The following TBC1D1 variants were observed in gnomAD, a reference collection of about 807,000 sequenced individuals.
The protein encoded by TBC1D1 is TBC1 (tre-2/USP6, BUB2, cdc16) domain family, member 1.
TBC1D1 carries 89 observed loss-of-function variants against 125.6 expected under a neutral mutation model. That is an observed-to-expected ratio of 0.71 (90% CI 0.60 to 0.85). The LOEUF (loss-of-function observed/expected upper bound fraction) is 0.85, where lower values mean the gene tolerates loss of function less well. Among genes scored for constraint, TBC1D1 ranks in the 40% least tolerant of loss-of-function variants. TBC1D1 has a pLI of 0.00. For synonymous variants in TBC1D1, 565 were observed against 564.1 expected, an observed-to-expected ratio of 1.00 and a Z score of -0.02; for missense variants, 1,377 against 1,469.2, an observed-to-expected ratio of 0.94 and a Z score of 1.03.
intron 2 of TBC1D1, among the ~76,000 whole-genome samples, chr4:37,994,606 C>T (rs770500897): frequency 1.3e-3 from 197 of 150,970 alleles, no homozygotes; most frequent in Non-Finnish European, 2.3e-3. Context: ...AGATTTCTAC[C>T]CAAGCCAAAG....
chr4:37,906,262 C>T (rs1014139497), intron 2 of TBC1D1, among the ~76,000 whole-genome samples: 8 of 152,182 alleles, frequency 5.3e-5, no homozygotes, highest in African/African-American at 1.2e-4. Flanking sequence ...ATTCTCCTGC[C>T]TCAGCCCACC....
At chr4:37,983,801 A>G (rs1734881536) in intron 2 of TBC1D1, among the ~76,000 whole-genome samples, 1 of 152,198 alleles carries the variant, frequency 6.6e-6, no homozygotes, top group Admixed American at 6.5e-5. Flanking sequence ...ACTGTTGGTG[A>G]TATACATTCT....
intron 14 of TBC1D1, among the ~76,000 whole-genome samples, chr4:38,102,523 G>A (rs1289316437): frequency 6.6e-6 from 1 of 152,038 alleles, no homozygotes; most frequent in African/African-American, 2.4e-5. Context: ...GTGGAAGTAG[G>A]GGAAGAAGCA....
intron 2 of TBC1D1, among the ~76,000 whole-genome samples, chr4:38,003,894 C>T (rs1196352076): frequency 1.3e-5 from 2 of 151,274 alleles, no homozygotes; most frequent in East Asian, 1.9e-4. Context: ...AAGAGTTGGC[C>T]TTTTCTTACC....
chr4:38,135,845 T>A (rs1401767464), intron 19 of TBC1D1, among the ~76,000 whole-genome samples: 1 of 112,114 alleles, frequency 8.9e-6, no homozygotes, highest in South Asian at 3.0e-4. Flanking sequence ...AAATGAAAAA[T>A]ATATATATAT....
Position 37,999,989 on chromosome 4 carries a change from CTG to C in TBC1D1, c.418-14516_418-14515del, listed in dbSNP as rs1321715866. 2.6e-5 allele frequency among the ~76,000 whole-genome samples: 4 copies of C among 152,150 alleles called. No homozygotes were observed. In the South Asian group the frequency reaches 6.2e-4, roughly 24 times the overall value. On this transcript the variant is annotated intron_variant, in intron 2 of 19. Transcript: ENST00000261439. ...TGCTGGTATTGATGAAGAATTTATA[CTG>C]TGTAGAAATTAATTCCATTATTCTA... is the stretch of plus-strand genomic sequence containing the variant.
chr4:37,990,476 G>A (rs766818664), intron 2 of TBC1D1, among the ~76,000 whole-genome samples: 3 of 152,096 alleles, frequency 2.0e-5, no homozygotes, highest in South Asian at 4.2e-4. Flanking sequence ...CCAAAAGCCC[G>A]CTTATGAGTA....
At chr4:38,100,510 C>T (rs919790964) in intron 14 of TBC1D1, among the ~76,000 whole-genome samples, 1 of 152,224 alleles carries the variant, frequency 6.6e-6, no homozygotes, top group African/African-American at 2.4e-5. Context: ...CTCTCCTCCT[C>T]CCAAAGTCCT....
At chr4:38,072,970 T>C (rs941599333) in intron 12 of TBC1D1, among the ~76,000 whole-genome samples, 1 of 152,224 alleles carries the variant, frequency 6.6e-6, no homozygotes, top group Non-Finnish European at 1.5e-5. Context: ...TCCGCCTTTT[T>C]TTTGAGTTAT....
chr4:38,107,177 C>A (rs1761453195), intron 15 of TBC1D1, among the ~76,000 whole-genome samples: 1 of 152,220 alleles, frequency 6.6e-6, no homozygotes, highest in South Asian at 2.1e-4. Flanking sequence ...AGTCTCCTCT[C>A]CCCACTGGAA....
At chr4:38,023,770 A>G (rs1321960845) in intron 6 of TBC1D1, among the ~76,000 whole-genome samples, 2 of 152,202 alleles carry the variant, frequency 1.3e-5, no homozygotes, top group African/African-American at 4.8e-5. Context: ...TAATGCTGCT[A>G]TGAATGCTGA....
At chr4:38,003,288 A>G (rs1323978755) in intron 2 of TBC1D1, among the ~76,000 whole-genome samples, 2 of 152,152 alleles carry the variant, frequency 1.3e-5, no homozygotes, top group Non-Finnish European at 2.9e-5. Flanking sequence ...GTGGGTGTTT[A>G]TGATGTCTAG....
chr4:38,038,366 C>T (rs1747632757), intron 8 of TBC1D1, among the ~76,000 whole-genome samples: 2 of 151,874 alleles, frequency 1.3e-5, no homozygotes, highest in Admixed American at 6.6e-5. Context: ...ACTCATATAC[C>T]CACCATCCAG....
rs376651098 is a variant in TBC1D1, at chr4:37,946,437, G to A, written c.417+43925G>A. Among the ~76,000 whole-genome samples the A allele has an allele frequency of 1.2e-4, 19 of 152,262 alleles. No homozygotes were observed. The East Asian group carries it at 2.9e-3, about 23-fold the overall frequency. On this transcript the variant is annotated intron_variant, in intron 2 of 19. Coordinates refer to ENST00000261439, the MANE Select transcript of TBC1D1 (RefSeq NM_015173.4). ...TATGCATGCATGGAAATATCACTCC[G>A]TCTCCCATAAATATGTACACTTATT...
At chr4:37,967,979 A>G (rs1293780206) in intron 2 of TBC1D1, among the ~76,000 whole-genome samples, 2 of 152,258 alleles carry the variant, frequency 1.3e-5, no homozygotes, top group Admixed American at 1.3e-4. Context: ...CTTAAACTTT[A>G]TAGACTGAGC....
In TBC1D1 at chr4:38,137,679, A is replaced by G. The variant is rs756699686; in HGVS notation, c.*344A>G. ...TAAAGAGCATTCACAATACGGTGGA[A>G]TTTCAAAAGCTGGAAGAGCTCGAGA... On this transcript the variant is annotated 3_prime_UTR_variant, in exon 20 of 20. Coordinates refer to ENST00000261439, the MANE Select transcript of TBC1D1 (RefSeq NM_015173.4). 4.5e-6 allele frequency: 1 copy of G among 222,024 alleles called. No individual in the cohort carries two copies. The highest frequency in any genetic ancestry group is 9.4e-5 in the East Asian group (1 of 10,686). The allele number at this position is 222,024 out of a possible 1,614,324, so 13.8% of individuals were successfully genotyped here. A position where few individuals can be genotyped will look rare whatever the true frequency, so the allele number is the denominator to read the frequency against.
intron 2 of TBC1D1, among the ~76,000 whole-genome samples, chr4:37,969,466 T>C (rs1196855610): frequency 6.6e-6 from 1 of 152,180 alleles, no homozygotes; most frequent in African/African-American, 2.4e-5. Flanking sequence ...CCTCAGCCTC[T>C]GGAGTAGCTG....
Position 38,045,909 on chromosome 4 carries a change from C to G in TBC1D1, c.1629+6C>G, listed in dbSNP as rs766619947. On this transcript the variant is annotated splice_donor_region_variant and intron_variant, in intron 10 of 19. Coordinates refer to ENST00000261439, the MANE Select transcript of TBC1D1 (RefSeq NM_015173.4). ...CATTAAGTAACACCAGCAAAGTAAG[C>G]ACATTTCTCTTTATACGACACCCTG... The G allele has an allele frequency of 1.2e-6, 2 of 1,612,744 alleles. No homozygotes were observed. The highest frequency in any genetic ancestry group is 1.7e-6 in the Non-Finnish European group (2 of 1,178,758).
chr4:38,025,078 T>G (rs1436154822), intron 6 of TBC1D1, among the ~76,000 whole-genome samples: 2 of 152,208 alleles, frequency 1.3e-5, no homozygotes, highest in Non-Finnish European at 2.9e-5. Context: ...GGAGCATTCA[T>G]TAAAAAAAAT....
Sources: allele counts gnomAD v4.1 joint callset (sites outside exome capture counted in the v4.1 genomes callset), GRCh38; gene constraint gnomAD v4.1.1; transcripts MANE v1.5; gene names NCBI Gene and HGNC (gene_info 2026-07-23, HGNC 2026-07-21).